Variants in UNC13C observed in about 807,000 individuals in gnomAD.
UNC13C encodes the protein protein unc-13 homolog C.
A neutral mutation model predicts 245.4 loss-of-function variants in UNC13C; 174 were observed. The observed-to-expected ratio is 0.71, with a 90% confidence interval of 0.63 to 0.80. The LOEUF (loss-of-function observed/expected upper bound fraction) is 0.80. Among genes scored for constraint, UNC13C ranks in the 30% least tolerant of loss-of-function variants. UNC13C has a pLI of 0.00. For missense variants in UNC13C, 2,829 were observed against 2,602.9 expected (o/e 1.09, Z -1.89); for synonymous variants, 992 against 895.1 (o/e 1.11, Z -1.93).
At chr15:54,120,095 A>G (rs2082115) in intron 2 of UNC13C, among the ~76,000 whole-genome samples, 50,421 of 152,078 alleles carry the variant, frequency 0.33, 8,427 homozygotes, top group Admixed American at 0.37. Context: ...GATGAAGGTG[A>G]CTACACTAAA....
At chr15:54,401,679 C>T (rs1245498019) in intron 18 of UNC13C, among the ~76,000 whole-genome samples, 1 of 151,968 alleles carries the variant, frequency 6.6e-6, no homozygotes, top group Non-Finnish European at 1.5e-5. Context: ...AAAGCAGATA[C>T]AAGAATAGCA....
chr15:54,075,336 T>G (rs1420365761), intron 2 of UNC13C, among the ~76,000 whole-genome samples: 1 of 151,750 alleles, frequency 6.6e-6, no homozygotes, highest in African/African-American at 2.4e-5. Flanking sequence ...ATACAAAAAA[T>G]TAGCCAGGCC....
At chr15:54,447,867 G>C (rs187174465) in intron 19 of UNC13C, among the ~76,000 whole-genome samples, 1 of 152,102 alleles carries the variant, frequency 6.6e-6, no homozygotes, top group Non-Finnish European at 1.5e-5. Flanking sequence ...TGTGATGTTA[G>C]GGTGTCAATT....
intron 4 of UNC13C, among the ~76,000 whole-genome samples, chr15:54,155,710 GGT>G (rs2032715828): frequency 6.6e-6 from 1 of 152,082 alleles, no homozygotes; most frequent in Non-Finnish European, 1.5e-5. Context: ...TTTCCAGATG[GGT>G]GAATAAAAGT....
intron 19 of UNC13C, among the ~76,000 whole-genome samples, chr15:54,417,286 T>TA (rs1418678805): frequency 6.6e-6 from 1 of 152,158 alleles, no homozygotes; most frequent in African/African-American, 2.4e-5. Flanking sequence ...GCAAGGGCAG[T>TA]AGAGGAGACA....
intron 19 of UNC13C, among the ~76,000 whole-genome samples, chr15:54,489,670 T>C (rs936770737): frequency 7.2e-5 from 11 of 152,292 alleles, no homozygotes; most frequent in Admixed American, 5.9e-4. Flanking sequence ...AGTCTGGTTG[T>C]GTACCTGAGA....
intron 8 of UNC13C, among the ~76,000 whole-genome samples, chr15:54,263,130 T>G (rs12913239): frequency 0.42 from 64,396 of 151,978 alleles, 14,204 homozygotes; most frequent in African/African-American, 0.53. Flanking sequence ...GAATACAAAT[T>G]AGGCAAACTT....
intron 19 of UNC13C, chr15:54,417,126 T>C: frequency 2.9e-6 from 1 of 350,862 alleles, no homozygotes; most frequent in South Asian, 2.2e-5. Context: ...GTGTCTTTTT[T>C]ACCAAAATGT....
At chr15:53,960,250 G>A in the UNC13C span, among the ~76,000 whole-genome samples, 1 of 151,956 alleles carries the variant, frequency 6.6e-6, no homozygotes, top group Non-Finnish European at 1.5e-5. Flanking sequence ...TTGAGGTAAT[G>A]CCTACCATAG....
At chr15:54,117,170 T>A (rs1002274023) in intron 2 of UNC13C, among the ~76,000 whole-genome samples, 1 of 152,162 alleles carries the variant, frequency 6.6e-6, no homozygotes, top group African/African-American at 2.4e-5. Context: ...ATATTCTGAT[T>A]ATTAATTCCT....
At chr15:54,164,391 A>G (rs2033091580) in intron 4 of UNC13C, among the ~76,000 whole-genome samples, 1 of 152,238 alleles carries the variant, frequency 6.6e-6, no homozygotes, top group African/African-American at 2.4e-5. Flanking sequence ...TATACTGTAT[A>G]TCATTTGGTA....
intron 30 of UNC13C, among the ~76,000 whole-genome samples, chr15:54,617,051 G>T (rs1353502533): frequency 1.3e-5 from 2 of 152,034 alleles, no homozygotes; most frequent in Non-Finnish European, 2.9e-5. Flanking sequence ...CCACTTAGAA[G>T]TGTCATAGGC....
chr15:54,615,221 T>C (rs75067555), intron 30 of UNC13C, among the ~76,000 whole-genome samples: 5,953 of 152,098 alleles, frequency 0.039, 219 homozygotes, highest in Admixed American at 0.12. Flanking sequence ...AATCCAGTTA[T>C]ACTCTTCAAG....
At chr15:54,356,445 G>T (rs1359117091) in intron 17 of UNC13C, among the ~76,000 whole-genome samples, 1 of 151,928 alleles carries the variant, frequency 6.6e-6, no homozygotes, top group Non-Finnish European at 1.5e-5. Context: ...AAATACCTTA[G>T]ACTGGGTAAT....
the UNC13C span, among the ~76,000 whole-genome samples, chr15:53,900,631 A>G: frequency 6.6e-6 from 1 of 152,218 alleles, no homozygotes; most frequent in African/African-American, 2.4e-5. Context: ...ATATTGCAGT[A>G]TAAAAATAGA....
At chr15:54,048,286 A>G (rs1429572387) in intron 2 of UNC13C, among the ~76,000 whole-genome samples, 1 of 152,120 alleles carries the variant, frequency 6.6e-6, no homozygotes, top group Non-Finnish European at 1.5e-5. Context: ...ATCTATTTGG[A>G]GACCTTCTGC....
At chr15:54,507,792 C>G (rs1212514937) in intron 23 of UNC13C, among the ~76,000 whole-genome samples, 1 of 151,078 alleles carries the variant, frequency 6.6e-6, no homozygotes, top group Admixed American at 6.6e-5. Flanking sequence ...CTTATTCAAT[C>G]TGTAATATTA....
chr15:54,242,545 C>T (rs1314099138), intron 7 of UNC13C, among the ~76,000 whole-genome samples: 1 of 152,038 alleles, frequency 6.6e-6, no homozygotes, highest in Admixed American at 6.6e-5. Flanking sequence ...GGAAATTTCT[C>T]TGGCTTTGCT....
intron 17 of UNC13C, among the ~76,000 whole-genome samples, chr15:54,365,621 T>G (rs968074446): frequency 6.6e-6 from 1 of 152,110 alleles, no homozygotes; most frequent in Non-Finnish European, 1.5e-5. Flanking sequence ...ACCATGTTGA[T>G]TTATGATTTT....
Sources: allele counts gnomAD v4.1 joint callset (sites outside exome capture counted in the v4.1 genomes callset), GRCh38; gene constraint gnomAD v4.1.1; transcripts MANE v1.5; gene names NCBI Gene and HGNC (gene_info 2026-07-23, HGNC 2026-07-21).